Variants in FRAS1 observed in about 807,000 individuals in gnomAD.
FRAS1 encodes the protein Fraser extracellular matrix complex subunit 1, also known as extracellular matrix organizing protein FRAS1.
In FRAS1, 290 loss-of-function variants were observed where a neutral mutation model predicts 435.2. The observed-to-expected ratio is 0.67, with a 90% CI of 0.61 to 0.73. The LOEUF (loss-of-function observed/expected upper bound fraction) is 0.73, where lower values mean the gene tolerates loss of function less well. FRAS1 is among the 30% of genes least tolerant of loss of function. FRAS1 has a pLI of 0.00. For missense variants in FRAS1, 4,860 were observed against 5,001.5 expected (o/e 0.97, Z 0.85); for synonymous variants, 1,800 against 1,851.0 (o/e 0.97, Z 0.71).
intron 68 of FRAS1, among the ~76,000 whole-genome samples, chr4:78,522,102 TC>T (rs1721403246): frequency 6.6e-6 from 1 of 152,234 alleles, no homozygotes; most frequent in Admixed American, 6.5e-5. Flanking sequence ...TCTAAAATAT[TC>T]CCCCTACTTT....
intron 2 of FRAS1, among the ~76,000 whole-genome samples, chr4:78,128,845 A>G (rs1240673575): frequency 6.6e-6 from 1 of 152,130 alleles, no homozygotes; most frequent in Non-Finnish European, 1.5e-5. Context: ...TATGTCCTGA[A>G]TGGTATTGCC....
At chr4:78,374,373 T>TTC in intron 25 of FRAS1, 122 bp downstream of exon 25, 1 of 959,928 alleles carries the variant, frequency 1.0e-6, no homozygotes, top group Non-Finnish European at 1.5e-6. Context: ...CCAGAGGGCT[T>TTC]AGCCTAAGTA....
intron 70 of FRAS1, among the ~76,000 whole-genome samples, chr4:78,533,197 T>TA (rs1239776576): frequency 1.3e-5 from 2 of 152,380 alleles, no homozygotes; most frequent in Non-Finnish European, 2.9e-5. Flanking sequence ...CATGCTATAT[T>TA]ATTTTTTATT....
chr4:78,197,027 A>AGG (rs1722843155), intron 2 of FRAS1, among the ~76,000 whole-genome samples: 1 of 152,242 alleles, frequency 6.6e-6, no homozygotes, highest in Non-Finnish European at 1.5e-5. Flanking sequence ...GTGAGATTAC[A>AGG]GGGCTATTAT....
chr4:78,386,607 CAAATGA>C (rs974755757), intron 28 of FRAS1, among the ~76,000 whole-genome samples: 25 of 152,244 alleles, frequency 1.6e-4, no homozygotes, highest in African/African-American at 5.8e-4. Context: ...GGTTCCACTT[CAAATGA>C]TATTTTTTTA....
In FRAS1 at chr4:78,543,498, C is replaced by T. The variant is rs909941911; in HGVS notation, c.*2374C>T. On this transcript the variant is annotated 3_prime_UTR_variant, in exon 74 of 74. Transcript: ENST00000512123. ...CCCAGAGTGCTCCCAGCAACCGCCA[C>T]GTACAAGGTCTGAAATGACAAGGGC... The T allele has an allele frequency of 1.3e-5, 2 of 152,214 alleles. No homozygotes were observed. Among genetic ancestry groups the T allele is most frequent in the African/African-American group, 2.4e-5 (1 of 41,444 alleles). 9.4% of individuals were successfully genotyped at this position (152,214 alleles called of 1,614,324 possible).
At chr4:78,387,869 T>A (rs996129494) in intron 29 of FRAS1, among the ~76,000 whole-genome samples, 168 bp downstream of exon 29, 5 of 152,186 alleles carry the variant, frequency 3.3e-5, no homozygotes, top group African/African-American at 4.8e-5. Context: ...GCACCCTTGA[T>A]CTGAAAGACC....
At chr4:78,402,057 A>C (rs754294976) in intron 30 of FRAS1, among the ~76,000 whole-genome samples, 31 of 152,108 alleles carry the variant, frequency 2.0e-4, no homozygotes, top group Non-Finnish European at 4.3e-4. Context: ...AAATAAAGTA[A>C]CAGTCTTATA....
At chr4:78,471,080 G>A (rs1438837729) in intron 51 of FRAS1, among the ~76,000 whole-genome samples, 1 of 152,164 alleles carries the variant, frequency 6.6e-6, no homozygotes, top group Admixed American at 6.5e-5. Flanking sequence ...GGGCATTTTT[G>A]TAGGTAAGTG....
intron 2 of FRAS1, among the ~76,000 whole-genome samples, chr4:78,142,319 T>C (rs1163962008): frequency 6.6e-6 from 1 of 152,006 alleles, no homozygotes; most frequent in Non-Finnish European, 1.5e-5. Flanking sequence ...GAATTACTGG[T>C]GCCCTTCAGC....
chr4:78,381,401 T>A (rs951597095), intron 27 of FRAS1, among the ~76,000 whole-genome samples: 8 of 152,314 alleles, frequency 5.3e-5, no homozygotes, highest in East Asian at 3.9e-4. Context: ...CCTCTTGGGT[T>A]GCCTCAGCCT....
intron 61 of FRAS1, among the ~76,000 whole-genome samples, chr4:78,501,839 G>T (rs1366043939): frequency 6.6e-6 from 1 of 152,142 alleles, no homozygotes; most frequent in Non-Finnish European, 1.5e-5. Flanking sequence ...TTCTTCTAGG[G>T]TTTCTATAGT....
chr4:78,092,675 G>T (rs1430034365), intron 2 of FRAS1, among the ~76,000 whole-genome samples: 1 of 152,196 alleles, frequency 6.6e-6, no homozygotes, highest in Non-Finnish European at 1.5e-5. Flanking sequence ...TTCATAAATG[G>T]GAGTGGTGCC....
At chr4:78,283,014 A>G (rs779459740) in intron 12 of FRAS1, 47 bp downstream of exon 12, 3 of 1,352,904 alleles carry the variant, frequency 2.2e-6, no homozygotes, top group Non-Finnish European at 2.9e-6. Context: ...TTTACTGCCA[A>G]AAAGCTCAGA....
At chr4:78,488,127 C>T (rs10001918) in intron 58 of FRAS1, among the ~76,000 whole-genome samples, 37,117 of 151,824 alleles carry the variant, frequency 0.24, 5,212 homozygotes, top group East Asian at 0.53. Flanking sequence ...AGCGAGACTC[C>T]GTCTCAAAAA....
At chr4:78,346,803 C>T (rs565113926) in intron 20 of FRAS1, among the ~76,000 whole-genome samples, 1 of 152,250 alleles carries the variant, frequency 6.6e-6, no homozygotes, top group South Asian at 2.1e-4. Flanking sequence ...CCCTGGGGAG[C>T]TCCTCCCCCA....
At chr4:78,482,872 A>G (rs1720054650) in intron 58 of FRAS1, among the ~76,000 whole-genome samples, 2 of 152,224 alleles carry the variant, frequency 1.3e-5, no homozygotes, top group African/African-American at 4.8e-5. Flanking sequence ...ATCCAGCACT[A>G]TGGGAGCAGA....
rs981239712 is a variant in FRAS1, at chr4:78,464,652, G to T, written c.7029+69G>T. On this transcript the variant is annotated intron_variant, in intron 49 of 73. Coordinates refer to ENST00000512123, the MANE Select transcript of FRAS1 (RefSeq NM_025074.7). Reference sequence around the variant, plus strand: ...CTGACCTGGTGGCAGCTATCACGTTGCAGCTGTGCATCCTGATGGTAGGGA... The same window carrying T: ...CTGACCTGGTGGCAGCTATCACGTTTCAGCTGTGCATCCTGATGGTAGGGA... 16 of 1,540,642 alleles carry T rather than the reference G, an allele frequency of 1.0e-5. No individual in the cohort carries two copies. In the African/African-American group the frequency reaches 2.2e-4, roughly 21 times the overall value.
At chr4:78,200,208 C>G (rs1722993390) in intron 2 of FRAS1, among the ~76,000 whole-genome samples, 1 of 152,184 alleles carries the variant, frequency 6.6e-6, no homozygotes, top group Admixed American at 6.5e-5. Context: ...TTGTCAGAAC[C>G]TTATTTTTGC....
Sources: gnomAD v4.1 joint callset for allele counts (sites outside exome capture counted in the v4.1 genomes callset) on GRCh38, gnomAD v4.1.1 for gene constraint, MANE v1.5 for transcripts, NCBI Gene and HGNC (gene_info 2026-07-23, HGNC 2026-07-21) for gene names.